JAKMIP2: variants seen among roughly 807,000 people sequenced by gnomAD.
The protein encoded by JAKMIP2 is janus kinase and microtubule-interacting protein 2.
In JAKMIP2, 25 loss-of-function variants were observed where a neutral mutation model predicts 115.0. The ratio of observed to expected loss-of-function variants is 0.22; its 90% confidence interval spans 0.16 to 0.30. The LOEUF (loss-of-function observed/expected upper bound fraction) is 0.30. Ranked by LOEUF, JAKMIP2 falls within the 10% of genes least tolerant of loss-of-function variation. The pLI, the probability that JAKMIP2 is intolerant of heterozygous loss-of-function variation, is 1.00. For missense variants in JAKMIP2, 642 were observed against 957.6 expected (o/e 0.67, Z 4.35); for synonymous variants, 334 against 343.6 (o/e 0.97, Z 0.31).
intron 1 of JAKMIP2, among the ~76,000 whole-genome samples, chr5:147,730,709 C>T (rs574894456): frequency 6.6e-6 from 1 of 152,306 alleles, no homozygotes; most frequent in East Asian, 1.9e-4. Flanking sequence ...CGGCCTCAGC[C>T]TCCCAAAGTG....
chr5:147,738,719 A>G lies in JAKMIP2; in HGVS notation c.-149+43737T>C, dbSNP rs548472696. Among the ~76,000 whole-genome samples the G allele has an allele frequency of 1.1e-3, 170 of 152,300 alleles. 1 individual carries two copies. Among genetic ancestry groups the G allele is most frequent in the Middle Eastern group, 6.8e-3 (2 of 294 alleles). ...TATAACTTAAAAAGTGAAACTACAA[A>G]AAGGTGAAGTTTAGTCAAACTTTTG... On this transcript the variant is annotated intron_variant, in intron 1 of 21. Transcript: ENST00000616793.
chr5:147,782,326 T>A, intron 1 of JAKMIP2, 130 bp downstream of exon 1: 1 of 899,606 alleles, frequency 1.1e-6, no homozygotes. Context: ...CATCCTCATC[T>A]CTGTCTCCAC....
chr5:147,684,825 C>T (rs973096484), intron 1 of JAKMIP2, among the ~76,000 whole-genome samples: 1 of 152,038 alleles, frequency 6.6e-6, no homozygotes, highest in African/African-American at 2.4e-5. Context: ...GCTGTAGGTC[C>T]TGATAGAAAT....
chr5:147,659,296 G>C (rs2126775195), intron 3 of JAKMIP2, among the ~76,000 whole-genome samples: 1 of 152,234 alleles, frequency 6.6e-6, no homozygotes, highest in Non-Finnish European at 1.5e-5. Context: ...GAGGTCACCT[G>C]GCTGCGTGCA....
intron 1 of JAKMIP2, among the ~76,000 whole-genome samples, chr5:147,742,833 TGAA>T (rs569723331): frequency 1.0e-3 from 153 of 152,034 alleles, no homozygotes; most frequent in Admixed American, 2.2e-3. Flanking sequence ...GTGTTAGAAT[TGAA>T]GAAATTACTG....
chr5:147,654,631 C>T (rs1758583440), intron 3 of JAKMIP2, among the ~76,000 whole-genome samples: 2 of 152,120 alleles, frequency 1.3e-5, no homozygotes, highest in African/African-American at 4.8e-5. Context: ...ATGGGGAATT[C>T]TAAATACAGA....
intron 21 of JAKMIP2, among the ~76,000 whole-genome samples, chr5:147,592,444 G>C (rs898998803): frequency 6.6e-6 from 1 of 152,180 alleles, no homozygotes; most frequent in Non-Finnish European, 1.5e-5. Flanking sequence ...CTGGGGATGT[G>C]CCAGTCAGGA....
chr5:147,685,502 C>A (rs1428245974), intron 1 of JAKMIP2, among the ~76,000 whole-genome samples: 2 of 152,100 alleles, frequency 1.3e-5, no homozygotes. Context: ...ATAGCAAAGG[C>A]AGTGCATAAT....
intron 1 of JAKMIP2, among the ~76,000 whole-genome samples, chr5:147,673,073 A>G (rs1277244832): frequency 6.6e-6 from 1 of 152,102 alleles, no homozygotes; most frequent in African/African-American, 2.4e-5. Flanking sequence ...CAGAATGGAG[A>G]GAGAATGAAT....
intron 1 of JAKMIP2, among the ~76,000 whole-genome samples, chr5:147,684,190 C>A (rs1028231664): frequency 6.6e-6 from 1 of 151,852 alleles, no homozygotes; most frequent in Non-Finnish European, 1.5e-5. Context: ...GGAATCAGAC[C>A]ATCAACTAAC....
chr5:147,597,559 A>G (rs1177775496), intron 21 of JAKMIP2, among the ~76,000 whole-genome samples: 2 of 152,194 alleles, frequency 1.3e-5, no homozygotes, highest in African/African-American at 4.8e-5. Flanking sequence ...GGTCCTCCCA[A>G]CTTCATAATG....
In JAKMIP2 at chr5:147,585,536, T is replaced by C. The variant is rs1329551958; in HGVS notation, c.*6171A>G. On this transcript the variant is annotated 3_prime_UTR_variant, in exon 22 of 22. Coordinates refer to ENST00000616793, the MANE Select transcript of JAKMIP2 (RefSeq NM_001270941.2). ...ACATAAATTATAAAATAACCATTCA[T>C]AAAACTTTACATACAGTAAGTTGAT... 2.6e-5 allele frequency: 4 copies of C among 152,240 alleles called. No homozygotes were observed. Among genetic ancestry groups the C allele is most frequent in the African/African-American group, 9.6e-5 (4 of 41,472 alleles). 9.4% of individuals were successfully genotyped at this position (152,240 alleles called of 1,614,324 possible). A position where few individuals can be genotyped will look rare whatever the true frequency, so the allele number is the denominator to read the frequency against.
intron 1 of JAKMIP2, among the ~76,000 whole-genome samples, chr5:147,718,423 T>C (rs1348182752): frequency 2.6e-5 from 4 of 152,064 alleles, no homozygotes; most frequent in Non-Finnish European, 4.4e-5. Context: ...GAAGGAATGG[T>C]ACCAGTTCCT....
intron 1 of JAKMIP2, among the ~76,000 whole-genome samples, chr5:147,690,966 G>A (rs1271431187): frequency 6.6e-6 from 1 of 152,156 alleles, no homozygotes; most frequent in Non-Finnish European, 1.5e-5. Flanking sequence ...CCTGGGGGTA[G>A]GTGCCTGAAG....
intron 11 of JAKMIP2, among the ~76,000 whole-genome samples, chr5:147,636,728 T>C (rs1159083045): frequency 6.6e-6 from 1 of 152,226 alleles, no homozygotes; most frequent in Non-Finnish European, 1.5e-5. Context: ...ACAGGGTTCC[T>C]CTTCCTCTGG....
chr5:147,745,056 CAAAAAAAA>C (rs60275664), intron 1 of JAKMIP2, among the ~76,000 whole-genome samples: 1 of 88,410 alleles, frequency 1.1e-5, no homozygotes, highest in Admixed American at 1.2e-4. Flanking sequence ...GACTCTGTCT[CAAAAAAAA>C]AAAAAAAAAA....
At chr5:147,609,747 C>T (rs527727267) in intron 20 of JAKMIP2, among the ~76,000 whole-genome samples, 1 of 152,156 alleles carries the variant, frequency 6.6e-6, no homozygotes, top group African/African-American at 2.4e-5. Flanking sequence ...GGGAAGTTCT[C>T]CCGGATAATT....
chr5:147,738,233 A>C (rs552901693), intron 1 of JAKMIP2, among the ~76,000 whole-genome samples: 1 of 152,168 alleles, frequency 6.6e-6, no homozygotes, highest in South Asian at 2.1e-4. Context: ...CATTTTAGTA[A>C]AATGCACAAA....
At chr5:147,721,027 G>C (rs546822591) in intron 1 of JAKMIP2, among the ~76,000 whole-genome samples, 1 of 151,902 alleles carries the variant, frequency 6.6e-6, no homozygotes, top group Admixed American at 6.5e-5. Flanking sequence ...ATGGGTTTTT[G>C]GTGTGGATGT....
Sources: allele counts gnomAD v4.1 joint callset (sites outside exome capture counted in the v4.1 genomes callset), GRCh38; gene constraint gnomAD v4.1.1; transcripts MANE v1.5; gene names NCBI Gene and HGNC (gene_info 2026-07-23, HGNC 2026-07-21).